Variants in PTPRC observed in about 807,000 individuals in gnomAD.
PTPRC encodes receptor-type tyrosine-protein phosphatase C.
PTPRC carries 44 observed loss-of-function variants against 155.9 expected under a neutral mutation model. The ratio of observed to expected loss-of-function variants is 0.28; its 90% CI spans 0.22 to 0.36. The LOEUF (loss-of-function observed/expected upper bound fraction) is 0.36, where lower values mean the gene tolerates loss of function less well. PTPRC is among the 10% of genes least tolerant of loss of function. The probability of loss-of-function intolerance (pLI) is 1.00; values close to 1 mark genes in which losing one functional copy is unlikely to be tolerated. For synonymous variants in PTPRC, 525 were observed against 533.1 expected, an observed-to-expected ratio of 0.98 and a Z score of 0.21; for missense variants, 1,401 against 1,564.6, an observed-to-expected ratio of 0.90 and a Z score of 1.76.
rs752561769 is a variant in PTPRC, at chr1:198,702,469, C to T, written c.522C>T (p.His174=). 1.2e-6 allele frequency: 2 copies of T among 1,614,194 alleles called. No homozygotes were observed. The highest frequency in any genetic ancestry group is 3.3e-5 in the Admixed American group (2 of 60,024). The change falls in exon 6 of 33, where the codon CAC becomes CAT. Residue 174 remains histidine, a synonymous_variant. Coordinates refer to ENST00000442510, the MANE Select transcript of PTPRC (RefSeq NM_002838.5). ...TGACAACCACCCTCAGCCTTGCACA[C>T]CACAGCTCTGCTGCCTTACCTGCAC... ...SPLTTTLSLA[H]HSSAALPART...
In PTPRC at chr1:198,716,776, C is replaced by T. The variant is rs1653609116; in HGVS notation, c.1386C>T (p.Tyr462=). The part of the protein sequence containing the change: ...YTKYVLSLHA[Y]IIAKVQRNGS... ...AATATGTTTTATCATTACATGCCTA[C>T]ATCATTGCAAAAGTGCAACGTAATG... is the stretch of plus-strand genomic sequence containing the variant. The change falls in exon 13 of 33, where the codon TAC becomes TAT. Residue 462 remains tyrosine, a synonymous_variant. Transcript: ENST00000442510. 1.9e-6 allele frequency: 3 copies of T among 1,613,320 alleles called. No homozygotes were observed. The highest frequency in any genetic ancestry group is 2.5e-6 in the Non-Finnish European group (3 of 1,179,860).
chr1:198,754,049 C>CAAAT (rs895240504), intron 31 of PTPRC, among the ~76,000 whole-genome samples: 1 of 151,872 alleles, frequency 6.6e-6, no homozygotes, highest in African/African-American at 2.4e-5. Context: ...AAGTCGAAGA[C>CAAAT]AAATAAGTTT....
In PTPRC at chr1:198,743,636, T is replaced by TA. The variant is rs910362099; in HGVS notation, c.2698-411dup. 9.7e-4 allele frequency among the ~76,000 whole-genome samples: 147 copies of TA among 151,864 alleles called. 1 individual carries two copies. The highest frequency in any genetic ancestry group is 3.3e-3 in the African/African-American group (135 of 41,512). ...TTCTTATTTTAAGTTCTAAAAACTA[T>TA]AAAAAAAGGTTTTCTAAGGAATAAC... On this transcript the variant is annotated intron_variant, in intron 25 of 32. Transcript: ENST00000442510.
intron 23 of PTPRC, among the ~76,000 whole-genome samples, chr1:198,741,567 T>A (rs1304353042): frequency 6.6e-6 from 1 of 151,854 alleles, no homozygotes; most frequent in African/African-American, 2.4e-5. Flanking sequence ...GCATGCAAGT[T>A]CCTAGAAATT....
chr1:198,722,448 A>G lies in PTPRC; in HGVS notation c.1692A>G (p.Glu564=). ...AYFHNGDYPG[E]PFILHHSTSY... ...TTCACAATGGAGACTATCCTGGAGA[A>G]CCCTTTATTTTACATCATTCAACAT... Residue 564 remains glutamate, a synonymous_variant, in exon 15 of 33, where the codon GAA becomes GAG. Coordinates refer to ENST00000442510, the MANE Select transcript of PTPRC (RefSeq NM_002838.5). 1 of 1,474,076 alleles carries G rather than the reference A, an allele frequency of 6.8e-7. No individual in the cohort carries two copies. The highest frequency in any genetic ancestry group is 1.5e-5 in the South Asian group (1 of 65,456). 91.3% of individuals were successfully genotyped at this position (1,474,076 alleles called of 1,614,324 possible).
intron 16 of PTPRC, among the ~76,000 whole-genome samples, chr1:198,728,845 A>G (rs1654261813): frequency 6.6e-6 from 1 of 152,130 alleles, no homozygotes; most frequent in Admixed American, 6.6e-5. Flanking sequence ...GATTTAAAAT[A>G]AAATCATTTA....
chr1:198,750,614 A>G lies in PTPRC; in HGVS notation c.3195A>G (p.Lys1065=), dbSNP rs893233686. 6.2e-7 allele frequency: 1 copy of G among 1,612,686 alleles called. No individual in the cohort carries two copies. Among genetic ancestry groups the G allele is most frequent in the Non-Finnish European group, 8.5e-7 (1 of 1,179,070 alleles). ...VKVIVMLTEL[K]HGDQEICAQY... ...TTATTGTTATGCTGACAGAACTGAA[A>G]CATGGAGACCAGGTTTGTACTTTTG... The change falls in exon 29 of 33, where the codon AAA becomes AAG. Residue 1065 remains lysine, a synonymous_variant. Coordinates refer to ENST00000442510, the MANE Select transcript of PTPRC (RefSeq NM_002838.5).
chr1:198,722,702 T>A (rs900717405), intron 15 of PTPRC, among the ~76,000 whole-genome samples: 1 of 148,910 alleles, frequency 6.7e-6, no homozygotes, highest in Non-Finnish European at 1.5e-5. Flanking sequence ...ATTAAAGGTT[T>A]GTTGAATTCA....
intron 23 of PTPRC, among the ~76,000 whole-genome samples, chr1:198,738,689 CT>C (rs1438009066): frequency 6.6e-6 from 1 of 151,656 alleles, no homozygotes; most frequent in Non-Finnish European, 1.5e-5. Context: ...GAATTCCTTT[CT>C]CTTCCATTTT....
chr1:198,692,285 T>G lies in PTPRC; in HGVS notation c.74-62T>G, dbSNP rs116151234. 6.5e-3 allele frequency: 8,135 copies of G among 1,255,570 alleles called. 35 individuals are homozygous for G. The highest frequency in any genetic ancestry group is 0.012 in the Middle Eastern group (45 of 3,760). 77.8% of individuals were successfully genotyped at this position (1,255,570 alleles called of 1,614,324 possible). A position where few individuals can be genotyped will look rare whatever the true frequency, so the allele number is the denominator to read the frequency against. On this transcript the variant is annotated intron_variant, in intron 2 of 32. Transcript: ENST00000442510. ...GAGGTACATATAAAAATCTAATATA[T>G]GTTTACATTAATATGAATGAAATTT...
chr1:198,725,879 G>A (rs1333149779), intron 15 of PTPRC, among the ~76,000 whole-genome samples: 1 of 151,962 alleles, frequency 6.6e-6, no homozygotes, highest in Non-Finnish European at 1.5e-5. Flanking sequence ...CCTTTCTTTT[G>A]TTTTCTACCT....
chr1:198,714,958 T>C (rs1558017153), intron 12 of PTPRC, among the ~76,000 whole-genome samples: 2 of 148,160 alleles, frequency 1.3e-5, no homozygotes, highest in Non-Finnish European at 2.9e-5. Flanking sequence ...GTTTAGCAGG[T>C]TTTTTTAATT....
In PTPRC at chr1:198,717,945, G is replaced by T; in HGVS notation, c.1451-149G>T. 5.8e-6 allele frequency: 4 copies of T among 691,204 alleles called. No individual in the cohort carries two copies. In the East Asian group the frequency reaches 1.1e-4, roughly 19 times the overall value. 42.8% of individuals were successfully genotyped at this position (691,204 alleles called of 1,614,324 possible). ...ATTTATTCTTCAGGGTTTTGATATTGTTTTTTAATTTATGTACTATCATAA... is the reference window on the plus strand; with the variant it reads ...ATTTATTCTTCAGGGTTTTGATATTTTTTTTTAATTTATGTACTATCATAA... On this transcript the variant is annotated intron_variant, in intron 13 of 32. Transcript: ENST00000442510.
intron 2 of PTPRC, among the ~76,000 whole-genome samples, chr1:198,645,859 T>A (rs929505729): frequency 1.3e-5 from 2 of 151,824 alleles, no homozygotes; most frequent in African/African-American, 4.8e-5. Context: ...ACTTCTACTT[T>A]GCCAGGGATT....
intron 2 of PTPRC, among the ~76,000 whole-genome samples, chr1:198,673,928 ATT>A (rs1056673989): frequency 1.3e-5 from 2 of 152,346 alleles, no homozygotes; most frequent in South Asian, 4.1e-4. Flanking sequence ...TAATGTAATG[ATT>A]TTTGCCATAT....
At chr1:198,675,821 T>C (rs1322958787) in intron 2 of PTPRC, among the ~76,000 whole-genome samples, 1 of 152,168 alleles carries the variant, frequency 6.6e-6, no homozygotes, top group Non-Finnish European at 1.5e-5. Context: ...AGGGGCTATA[T>C]TCTCGGAAGG....
At chr1:198,733,245 C>T (rs185946050) in intron 20 of PTPRC, among the ~76,000 whole-genome samples, 6 of 151,710 alleles carry the variant, frequency 4.0e-5, no homozygotes, top group Admixed American at 4.0e-4. Flanking sequence ...TTCCCAGTGT[C>T]CTCACCTACC....
At chr1:198,694,788 C>A in intron 3 of PTPRC, 1 of 937,662 alleles carries the variant, frequency 1.1e-6, no homozygotes, top group Non-Finnish European at 1.3e-6. Flanking sequence ...CCTTTCTTTT[C>A]TCCCACCCTC....
chr1:198,750,717 G>A (rs746368961), intron 29 of PTPRC, 91 bp downstream of exon 29: 53 of 1,497,994 alleles, frequency 3.5e-5, no homozygotes, highest in Admixed American at 6.7e-5. Context: ...CCATACCCAC[G>A]TCTTTTTTTA....
Sources: gnomAD v4.1 joint callset for allele counts (sites outside exome capture counted in the v4.1 genomes callset) on GRCh38, gnomAD v4.1.1 for gene constraint, MANE v1.5 for transcripts, NCBI Gene and HGNC (gene_info 2026-07-23, HGNC 2026-07-21) for gene names.